Variants in GRM4 observed in about 807,000 individuals in gnomAD.
GRM4 encodes glutamate metabotropic receptor 4.
Under a neutral mutation model 81.7 loss-of-function variants are expected in GRM4, and 28 were observed. That is an observed-to-expected ratio of 0.34 (90% confidence interval 0.25 to 0.47). The LOEUF (loss-of-function observed/expected upper bound fraction) is 0.47, where lower values mean the gene tolerates loss of function less well. GRM4 is among the 20% of genes least tolerant of loss of function. GRM4 has a pLI of 1.00. For synonymous variants in GRM4, 488 were observed against 528.8 expected, an observed-to-expected ratio of 0.92 and a Z score of 1.06; for missense variants, 948 against 1,290.0, an observed-to-expected ratio of 0.73 and a Z score of 4.06.
chr6:34,036,074 C>G lies in GRM4; in HGVS notation c.2036G>C (p.Arg679Pro). The change falls in exon 9 of 11, where the codon CGC becomes CCC. Residue 679 changes from arginine to proline, a missense_variant. Arg to Pro is a moderately radical substitution (Grantham distance 103, BLOSUM62 -2). Coordinates refer to ENST00000538487, the MANE Select transcript of GRM4 (RefSeq NM_000841.4). This position sits in a 1 kb window ranked among gnomAD's most constrained non-coding sequence, Gnocchi z 9.0. The stretch of plus-strand genomic sequence containing the variant: ...CGAGCGCTTGCCCTGCTCGAAGATG[C>G]GGTAGATGCGGTTGGTCTTGGTGAG... ...ALLTKTNRIY[R>P]IFEQGKRSVS... is the part of the protein sequence containing the mutation. 6.2e-7 allele frequency: 1 copy of G among 1,614,140 alleles called. No homozygotes were observed. Among genetic ancestry groups the G allele is most frequent in the Non-Finnish European group, 8.5e-7 (1 of 1,180,024 alleles).
chr6:34,045,582 C>G (rs888324853), intron 6 of GRM4, among the ~76,000 whole-genome samples: 4 of 152,228 alleles, frequency 2.6e-5, no homozygotes, highest in African/African-American at 9.6e-5. Flanking sequence ...CTCCATTTAG[C>G]CGCTGACCTG....
rs77020447 is a variant in GRM4, at chr6:34,066,468, C to T, written c.737-4440G>A. Reference sequence around the variant, plus strand: ...GATTTTATGTAAAATCTAAAGACCACATACAATATTTATGAAGATGCATAT... The same window carrying T: ...GATTTTATGTAAAATCTAAAGACCATATACAATATTTATGAAGATGCATAT... On this transcript the variant is annotated intron_variant, in intron 3 of 10. Coordinates refer to ENST00000538487, the MANE Select transcript of GRM4 (RefSeq NM_000841.4). Among the ~76,000 whole-genome samples the T allele has an allele frequency of 2.2e-3, 329 of 152,082 alleles. 3 individuals carry two copies. The highest frequency in any genetic ancestry group is 7.3e-3 in the African/African-American group (303 of 41,462).
At chr6:34,144,607 C>T (rs1397399717) in intron 1 of GRM4, among the ~76,000 whole-genome samples, 1 of 152,142 alleles carries the variant, frequency 6.6e-6, no homozygotes, top group Non-Finnish European at 1.5e-5. Flanking sequence ...GGCACGGGAG[C>T]TGGACGCGGT....
At chr6:34,120,937 A>G (rs1769785987) in intron 2 of GRM4, among the ~76,000 whole-genome samples, 1 of 152,336 alleles carries the variant, frequency 6.6e-6, no homozygotes, top group South Asian at 2.1e-4. Flanking sequence ...TGTTACTGGA[A>G]GATATCAATA....
intron 2 of GRM4, among the ~76,000 whole-genome samples, chr6:34,124,352 C>G (rs578178378): frequency 3.3e-5 from 5 of 152,208 alleles, no homozygotes; most frequent in Admixed American, 6.5e-5. Context: ...ACAAGGCCCC[C>G]CCACCAACCC....
At chr6:34,135,175 G>A (rs894353585) in intron 1 of GRM4, among the ~76,000 whole-genome samples, 9 of 152,146 alleles carry the variant, frequency 5.9e-5, no homozygotes, top group East Asian at 1.9e-4. Context: ...AGACCAAGCC[G>A]TGGTCTCAGG....
rs1771103406 is a variant in GRM4 at position 34,154,314 on chromosome 6, G to A, written c.312+765C>T. Reference sequence around the variant, plus strand: ...GACCCCAGCCCAGCCCAGCCCCTGGGCCCTCTCGTTCTCACCTCTGTGGCC... The same window carrying A: ...GACCCCAGCCCAGCCCAGCCCCTGGACCCTCTCGTTCTCACCTCTGTGGCC... On this transcript the variant is annotated intron_variant, in intron 1 of 8. Transcript: ENST00000374177. 2.6e-5 allele frequency among the ~76,000 whole-genome samples: 4 copies of A among 152,298 alleles called. No homozygotes were observed. In the South Asian group the frequency reaches 8.3e-4, roughly 32 times the overall value.
chr6:34,093,702 C>G (rs888813113), intron 2 of GRM4, among the ~76,000 whole-genome samples: 1 of 152,176 alleles, frequency 6.6e-6, no homozygotes, highest in African/African-American at 2.4e-5. Context: ...AGGAAGTTGA[C>G]TGGGGACAGT....
intron 7 of GRM4, 111 bp downstream of exon 7, chr6:34,040,437 G>T: frequency 1.4e-6 from 2 of 1,419,250 alleles, no homozygotes; most frequent in Non-Finnish European, 2.0e-6. Context: ...TTCACCTCTT[G>T]GAAACATCAG....
chr6:34,091,795 G>A, intron 3 of GRM4, 88 bp downstream of exon 3: 3 of 944,320 alleles, frequency 3.2e-6, no homozygotes, highest in Non-Finnish European at 4.9e-6. Flanking sequence ...CCTGTATCAG[G>A]CCCCGGCTGG....
intron 6 of GRM4, among the ~76,000 whole-genome samples, chr6:34,050,554 G>A (rs1166468121): frequency 6.6e-6 from 1 of 152,132 alleles, no homozygotes; most frequent in Non-Finnish European, 1.5e-5. Context: ...CAGGTGCCAC[G>A]CTTCTCGCAC....
At chr6:34,030,390 G>A (rs1235683580) in intron 9 of GRM4, among the ~76,000 whole-genome samples, 1 of 152,192 alleles carries the variant, frequency 6.6e-6, no homozygotes. Context: ...TTGTTGATGG[G>A]TGCAGTGCAA....
At chr6:34,120,485 T>C (rs192923214) in intron 2 of GRM4, among the ~76,000 whole-genome samples, 2 of 152,332 alleles carry the variant, frequency 1.3e-5, no homozygotes, top group Non-Finnish European at 2.9e-5. Flanking sequence ...AGGACCATCT[T>C]AGAAAACCAC....
At chr6:34,049,772 C>T (rs1765522856) in intron 6 of GRM4, among the ~76,000 whole-genome samples, 1 of 152,106 alleles carries the variant, frequency 6.6e-6, no homozygotes, top group East Asian at 1.9e-4. Flanking sequence ...TCCATAAACA[C>T]CACGGCCACA....
At chr6:34,088,140 T>A (rs1353331293) in intron 3 of GRM4, among the ~76,000 whole-genome samples, 2 of 152,038 alleles carry the variant, frequency 1.3e-5, no homozygotes, top group African/African-American at 2.4e-5. Context: ...CCTTTTTTTT[T>A]AAGACAGATT....
At position 34,130,484 on chromosome 6, in the gene GRM4, G is replaced by T. The variant is rs1770191649; in HGVS notation, c.519+2494C>A. On this transcript the variant is annotated intron_variant, in intron 2 of 10. Coordinates refer to ENST00000538487, the MANE Select transcript of GRM4 (RefSeq NM_000841.4). The surrounding 1 kb of genome is among the most constrained non-coding windows in gnomAD (Gnocchi z 4.1). ...CTCCTCTGTGGCCAGACAAACAGGG[G>T]ACACCATGAACCCCCAGGATGGTAA... Among the ~76,000 whole-genome samples the T allele has an allele frequency of 6.6e-6, 1 of 152,112 alleles. No homozygotes were observed.
chr6:34,091,492 T>C, intron 3 of GRM4: 1 of 203,550 alleles, frequency 4.9e-6, no homozygotes, highest in Non-Finnish European at 9.9e-6. Flanking sequence ...TCCAAATTCC[T>C]CATTCCTCTG....
chr6:34,083,442 T>G (rs1767712590), intron 3 of GRM4, among the ~76,000 whole-genome samples: 1 of 152,178 alleles, frequency 6.6e-6, no homozygotes, highest in Non-Finnish European at 1.5e-5. Flanking sequence ...CTCCAAGCCC[T>G]GGCAAGGAGA....
chr6:34,120,258 T>G (rs1769757218), intron 2 of GRM4, among the ~76,000 whole-genome samples: 2 of 152,004 alleles, frequency 1.3e-5, no homozygotes, highest in South Asian at 4.1e-4. Context: ...GCATGCACAC[T>G]CTTTCCCTCC....
Sources: gnomAD v4.1 joint callset for allele counts (sites outside exome capture counted in the v4.1 genomes callset) on GRCh38, gnomAD v4.1.1 for gene constraint, Gnocchi (gnomAD v3.1) non-coding constraint, MANE v1.5 for transcripts, NCBI Gene and HGNC (gene_info 2026-07-23, HGNC 2026-07-21) for gene names.